The following NPTN variants were observed in gnomAD, a reference collection of about 807,000 sequenced individuals.
NPTN encodes the protein SDR-1.
In NPTN, 5 loss-of-function variants were observed where a neutral mutation model predicts 42.7. That is an observed-to-expected ratio of 0.12 (90% confidence interval 0.06 to 0.25). The LOEUF (loss-of-function observed/expected upper bound fraction) is 0.25, where lower values mean the gene tolerates loss of function less well. Ranked by LOEUF, NPTN falls within the 10% of genes least tolerant of loss-of-function variation. The pLI is 1.00. For missense variants in NPTN, 307 were observed against 525.4 expected (o/e 0.58, Z 4.06); for synonymous variants, 180 against 201.9 (o/e 0.89, Z 0.92).
chr15:73,571,819 T>C (rs1216311489), intron 5 of NPTN, among the ~76,000 whole-genome samples: 1 of 152,206 alleles, frequency 6.6e-6, no homozygotes, highest in South Asian at 2.1e-4. Context: ...GCATACAATC[T>C]TGTCAGCATT....
In NPTN at chr15:73,560,277, A is replaced by G. The variant is rs1223861797; in HGVS notation, c.*786T>C. ...TCATTGGAAACAAAAGAAAAATTAT[A>G]AAAGTTTGCCTTGATTGAATGAATG... On this transcript the variant is annotated 3_prime_UTR_variant, in exon 9 of 9. Transcript: ENST00000345330. 6.0e-6 allele frequency: 1 copy of G among 166,108 alleles called. No individual in the cohort carries two copies. Among genetic ancestry groups the G allele is most frequent in the Non-Finnish European group, 1.3e-5 (1 of 77,540 alleles). The allele number at this position is 166,108 out of a possible 1,614,324, so 10.3% of individuals were successfully genotyped here.
At chr15:73,589,771 G>A (rs1198873570) in intron 3 of NPTN, among the ~76,000 whole-genome samples, 1 of 151,198 alleles carries the variant, frequency 6.6e-6, no homozygotes, top group African/African-American at 2.4e-5. Flanking sequence ...CCCCAGAGCT[G>A]TCTCAAGATA....
rs1898874523 is a variant in NPTN, at chr15:73,633,334, G to A, written c.-119C>T. 2 of 726,248 alleles carry A rather than the reference G, an allele frequency of 2.8e-6. No homozygotes were observed. Among genetic ancestry groups the A allele is most frequent in the East Asian group, 3.3e-5 (1 of 30,202 alleles). 45.0% of individuals were successfully genotyped at this position (726,248 alleles called of 1,614,324 possible). A position where few individuals can be genotyped will look rare whatever the true frequency, so the allele number is the denominator to read the frequency against. ...GAGGGAGTGAGCGAGGGAGGCAGCC[G>A]CGGCTCGGCTCCGTCCTTCCCCGTC... On this transcript the variant is annotated 5_prime_UTR_variant, in exon 1 of 9. Coordinates refer to ENST00000345330, the MANE Select transcript of NPTN (RefSeq NM_012428.4).
At chr15:73,578,718 G>A (rs28607712) in intron 4 of NPTN, among the ~76,000 whole-genome samples, 205 of 152,270 alleles carry the variant, frequency 1.3e-3, no homozygotes, top group African/African-American at 4.7e-3. Flanking sequence ...GGCTGGCTAG[G>A]TGCAGTGGCT....
intron 4 of NPTN, among the ~76,000 whole-genome samples, chr15:73,575,479 G>A (rs1895641763): frequency 6.6e-6 from 1 of 152,262 alleles, no homozygotes; most frequent in South Asian, 2.1e-4. Flanking sequence ...TGTTATCCAA[G>A]ATAGGAAAGA....
chr15:73,587,749 A>G (rs1006549225), intron 3 of NPTN, 131 bp from the exon 4 acceptor site: 1 of 647,874 alleles, frequency 1.5e-6, no homozygotes, highest in African/African-American at 1.8e-5. Flanking sequence ...CCTTCTAACT[A>G]AAAGCAAAAA....
chr15:73,633,233 C>T lies in NPTN; in HGVS notation c.-18G>A, dbSNP rs1384278414. 1 of 1,510,020 alleles carries T rather than the reference C, an allele frequency of 6.6e-7. No homozygotes were observed. Among genetic ancestry groups the T allele is most frequent in the Non-Finnish European group, 8.8e-7 (1 of 1,133,030 alleles). The allele number at this position is 1,510,020 out of a possible 1,614,324, so 93.5% of individuals were successfully genotyped here. ...CCCGACATCCTCCCTAGCAGAAGACCCAACAGCGAATGGGCCGGGGCCAGA... is the reference window on the plus strand; with the variant it reads ...CCCGACATCCTCCCTAGCAGAAGACTCAACAGCGAATGGGCCGGGGCCAGA... On this transcript the variant is annotated 5_prime_UTR_variant, in exon 1 of 9. Coordinates refer to ENST00000345330, the MANE Select transcript of NPTN (RefSeq NM_012428.4).
chr15:73,616,112 T>C (rs549897963), intron 1 of NPTN, among the ~76,000 whole-genome samples: 1 of 152,234 alleles, frequency 6.6e-6, no homozygotes, highest in Non-Finnish European at 1.5e-5. Flanking sequence ...CTGTTGGTCT[T>C]ATTTCAACAA....
intron 7 of NPTN, 118 bp from the exon 8 acceptor site, chr15:73,562,088 T>G: frequency 1.3e-6 from 1 of 756,260 alleles, no homozygotes; most frequent in South Asian, 1.6e-5. Flanking sequence ...GTGAGAAATT[T>G]TGTGGCACAA....
intron 3 of NPTN, among the ~76,000 whole-genome samples, chr15:73,590,655 G>T (rs1206607263): frequency 6.6e-6 from 1 of 151,846 alleles, no homozygotes; most frequent in Non-Finnish European, 1.5e-5. Flanking sequence ...TGCACCTGTG[G>T]TCCCAGCTAC....
chr15:73,629,540 A>G (rs1286528565), intron 1 of NPTN, among the ~76,000 whole-genome samples: 1 of 152,160 alleles, frequency 6.6e-6, no homozygotes, highest in African/African-American at 2.4e-5. Context: ...ATTATTACAA[A>G]GCACAATGTT....
At position 73,570,326 on chromosome 15, in the gene NPTN, T is replaced by G; in HGVS notation, c.938A>C (p.Glu313Ala). The G allele has an allele frequency of 6.2e-7, 1 of 1,614,208 alleles. No homozygotes were observed. Among genetic ancestry groups the G allele is most frequent in the Non-Finnish European group, 8.5e-7 (1 of 1,180,036 alleles). Residue 313 changes from glutamate (E) to alanine (A), a missense_variant, in exon 6 of 9, where the codon GAG becomes GCG. Physicochemically the swap from Glu to Ala is moderately radical, Grantham distance 107 (BLOSUM62 -1). Transcript: ENST00000345330. The surrounding 1 kb of genome is among the most constrained non-coding windows in gnomAD (Gnocchi z 4.0). ...GGCGTTGGTGGCATTACATTCATACTCGCCAGGGTCTTCCGTGATCTGCAG... is the reference window on the plus strand; with the variant it reads ...GGCGTTGGTGGCATTACATTCATACGCGCCAGGGTCTTCCGTGATCTGCAG... ...VNLQITEDPG[E>A]YECNATNAIG...
chr15:73,593,023 C>A (rs577080266), intron 2 of NPTN, among the ~76,000 whole-genome samples: 1 of 151,988 alleles, frequency 6.6e-6, no homozygotes, highest in African/African-American at 2.4e-5. Flanking sequence ...TCTATCCTTG[C>A]CCCCCATCCC....
chr15:73,572,969 T>C (rs1895494189), intron 5 of NPTN, among the ~76,000 whole-genome samples: 1 of 152,228 alleles, frequency 6.6e-6, no homozygotes, highest in African/African-American at 2.4e-5. Flanking sequence ...TAAAAGTGTG[T>C]AGCATCTCCC....
rs1452538918 is a variant in NPTN at position 73,594,950 on chromosome 15, T to TA, written c.439+2071_439+2072insT. On this transcript the variant is annotated intron_variant, in intron 2 of 8. Transcript: ENST00000345330. ...CAATTAGAGTTGGATCCAGGGTGTT[T>TA]TAAAAAAAAAAAAAAAAAAGCAGCA... Among the ~76,000 whole-genome samples, 11 of 146,790 alleles carry TA rather than the reference T, an allele frequency of 7.5e-5. No homozygotes were observed. In the East Asian group the frequency reaches 1.2e-3, roughly 16 times the overall value.
chr15:73,573,853 G>T, intron 4 of NPTN, 58 bp from the exon 5 acceptor site: 1 of 1,584,516 alleles, frequency 6.3e-7, no homozygotes, highest in South Asian at 1.2e-5. Context: ...AGGATACAAA[G>T]GCCCCACCTT....
At chr15:73,611,001 C>T (rs1029812017) in intron 1 of NPTN, among the ~76,000 whole-genome samples, 26 of 152,112 alleles carry the variant, frequency 1.7e-4, no homozygotes, top group Admixed American at 1.4e-3. Flanking sequence ...AATTTGACTC[C>T]GTTACATATG....
At chr15:73,605,940 T>TA (rs1304857499) in intron 1 of NPTN, among the ~76,000 whole-genome samples, 1 of 151,844 alleles carries the variant, frequency 6.6e-6, no homozygotes. Context: ...CTCACGCCTG[T>TA]AATACCACCT....
intron 4 of NPTN, 93 bp from the exon 5 acceptor site, chr15:73,573,888 G>C: frequency 6.8e-7 from 1 of 1,479,200 alleles, no homozygotes; most frequent in Non-Finnish European, 9.2e-7. Flanking sequence ...TGCTTGTAAT[G>C]TAGTCAGTCT....
Sources: gnomAD v4.1 joint callset for allele counts (sites outside exome capture counted in the v4.1 genomes callset) on GRCh38, gnomAD v4.1.1 for gene constraint, Gnocchi (gnomAD v3.1) non-coding constraint, MANE v1.5 for transcripts, NCBI Gene and HGNC (gene_info 2026-07-23, HGNC 2026-07-21) for gene names.